Variants in PDCD2 observed in about 807,000 individuals in gnomAD.
The protein encoded by PDCD2 is programmed cell death 2.
In PDCD2, 38 loss-of-function variants were observed where a neutral mutation model predicts 38.1. That is an observed-to-expected ratio of 1.00 (90% CI 0.77 to 1.31). The LOEUF is 1.31. PDCD2 is among the 50% of genes most tolerant of loss of function. The pLI is 0.00. For missense variants in PDCD2, 473 were observed against 435.7 expected, an observed-to-expected ratio of 1.09 and a Z score of -0.76; for synonymous variants, 205 against 168.9, an observed-to-expected ratio of 1.21 and a Z score of -1.66.
At position 170,575,927 on chromosome 6, in the gene PDCD2, C is replaced by T. The variant is rs1224885212; in HGVS notation, c.*1632G>A. 11 of 152,178 alleles carry T rather than the reference C, an allele frequency of 7.2e-5. No homozygotes were observed. Among genetic ancestry groups the T allele is most frequent in the Admixed American group, 3.9e-4 (6 of 15,280 alleles). 9.4% of individuals were successfully genotyped at this position (152,178 alleles called of 1,614,324 possible). On this transcript the variant is annotated 3_prime_UTR_variant, in exon 6 of 6. Transcript: ENST00000541970. The stretch of plus-strand genomic sequence containing the variant: ...CTTTAAAAGTCATTAGCAGTCATAA[C>T]GTACTTACAGATTCTGCCTATAAGG...
At chr6:170,584,260 G>C in intron 1 of PDCD2, 39 bp downstream of exon 1, 2 of 1,367,276 alleles carry the variant, frequency 1.5e-6, no homozygotes, top group Non-Finnish European at 1.9e-6. Flanking sequence ...CGCACGCGTC[G>C]GAGGCATGGC....
At chr6:170,578,210 A>G (rs1463867945) in intron 5 of PDCD2, among the ~76,000 whole-genome samples, 3 of 152,152 alleles carry the variant, frequency 2.0e-5, no homozygotes, top group African/African-American at 4.8e-5. Flanking sequence ...TGTCACCTCA[A>G]TTTGGACATT....
intron 1 of PDCD2, 50 bp downstream of exon 1, chr6:170,584,249 G>C: frequency 7.4e-7 from 1 of 1,345,098 alleles, no homozygotes; most frequent in Non-Finnish European, 9.5e-7. Flanking sequence ...AATTAACGCC[G>C]CGCACGCGTC....
At position 170,577,518 on chromosome 6, in the gene PDCD2, T is replaced by A; in HGVS notation, c.*41A>T. The A allele has an allele frequency of 6.5e-7, 1 of 1,530,450 alleles. No homozygotes were observed. The allele number at this position is 1,530,450 out of a possible 1,614,324, so 94.8% of individuals were successfully genotyped here. On this transcript the variant is annotated 3_prime_UTR_variant, in exon 6 of 6. Transcript: ENST00000541970. ...AAATCCCAGAAATGGAATTGCAAGG[T>A]ATAAAAGATTATTAACATTTTTCAA...
Position 170,583,614 on chromosome 6 carries a change from G to C in PDCD2, c.417C>G (p.Gly139=), listed in dbSNP as rs758688151. 1 of 1,614,006 alleles carries C rather than the reference G, an allele frequency of 6.2e-7. No individual in the cohort carries two copies. Among genetic ancestry groups the C allele is most frequent in the South Asian group, 1.1e-5 (1 of 91,070 alleles). Residue 139 remains glycine (G), a synonymous_variant, in exon 2 of 6, where the codon GGC becomes GGG. Coordinates refer to ENST00000541970, the MANE Select transcript of PDCD2 (RefSeq NM_002598.4). ...KSGAHLCRVC[G]CLGPKTCSRC... Reference sequence around the variant, plus strand: ...TGGAGCACGTTTTGGGGCCTAAACAGCCACAAACCCTGCAGAGATGAGCAC... The same window carrying C: ...TGGAGCACGTTTTGGGGCCTAAACACCCACAAACCCTGCAGAGATGAGCAC...
intron 3 of PDCD2, among the ~76,000 whole-genome samples, chr6:170,580,626 A>T (rs1779566928): frequency 6.6e-6 from 1 of 152,058 alleles, no homozygotes; most frequent in South Asian, 2.1e-4. Flanking sequence ...GAGGCAGGAG[A>T]GTCACTTGAA....
Position 170,583,598 on chromosome 6 carries a change from T to G in PDCD2, c.433A>C (p.Thr145Pro), listed in dbSNP as rs1779691488. 1.9e-6 allele frequency: 3 copies of G among 1,613,848 alleles called. No individual in the cohort carries two copies. In the Admixed American group the frequency reaches 5.0e-5, roughly 27 times the overall value. ...TATGCTTTGTGGCATCTGGAGCACG[T>G]TTTGGGGCCTAAACAGCCACAAACC... ...CRVCGCLGPK[T>P]CSRCHKAYYC... Residue 145 changes from threonine (T) to proline (P), a missense_variant, in exon 2 of 6, where the codon ACG becomes CCG. Thr to Pro is a conservative substitution (Grantham distance 38). Transcript: ENST00000541970.
intron 5 of PDCD2, among the ~76,000 whole-genome samples, chr6:170,578,228 T>C (rs1779497553): frequency 1.3e-5 from 2 of 152,168 alleles, no homozygotes; most frequent in African/African-American, 4.8e-5. Flanking sequence ...ATTGAGAGCT[T>C]TGGCACTAAG....
intron 3 of PDCD2, chr6:170,582,295 G>A (rs749779356): frequency 1.6e-5 from 25 of 1,520,842 alleles, no homozygotes; most frequent in Middle Eastern, 1.7e-4. Context: ...CAGGCACAGA[G>A]TAAGACTCAA....
In PDCD2 at chr6:170,578,894, T is replaced by A; in HGVS notation, c.839A>T (p.Asp280Val). ...TATTCTCTTGGCACCACAGGGGCAA[T>A]CTGGAATATCCTTTTCTTGAGGAAT... ...ENIPQEKDIP[D>V]CPCGAKRILE... The change falls in exon 5 of 6, where the codon GAT becomes GTT. Residue 280 changes from aspartate (D) to valine (V), a missense_variant. Asp to Val is a radical substitution (Grantham distance 152). Transcript: ENST00000541970. The A allele has an allele frequency of 6.2e-7, 1 of 1,611,546 alleles. No homozygotes were observed.
At chr6:170,579,168 A>C in intron 4 of PDCD2, 198 bp from the exon 5 acceptor site, 1 of 538,022 alleles carries the variant, frequency 1.9e-6, no homozygotes, top group Non-Finnish European at 3.2e-6. Flanking sequence ...TGATTATTTC[A>C]GTTTATCTGA....
At position 170,584,495 on chromosome 6, in the gene PDCD2, G is replaced by C. The variant is rs545103128; in HGVS notation, c.87C>G (p.Ser29Arg). 248 of 1,353,878 alleles carry C rather than the reference G, an allele frequency of 1.8e-4. No homozygotes were observed. The highest frequency in any genetic ancestry group is 2.1e-4 in the Non-Finnish European group (226 of 1,056,354). The allele number at this position is 1,353,878 out of a possible 1,614,324, so 83.9% of individuals were successfully genotyped here. The change falls in exon 1 of 6, where the codon AGC becomes AGG. Residue 29 changes from serine to arginine, a missense_variant. Ser to Arg is a moderately radical substitution (Grantham distance 110). Transcript: ENST00000541970. ...GCCATGCCGGCCGCCCGCCCACCTT[G>C]CTGGGGAACTGCTCGCTGCGCAGTC... ...AWRLRSEQFP[S>R]KVGGRPAWLG...
chr6:170,582,962 T>C (rs1779660698), intron 3 of PDCD2, 95 bp downstream of exon 3: 1 of 1,517,570 alleles, frequency 6.6e-7, no homozygotes, highest in Non-Finnish European at 8.8e-7. Context: ...CCAAAGTGAG[T>C]CTTCCTCTCA....
chr6:170,580,353 A>G (rs1433149032), intron 3 of PDCD2, among the ~76,000 whole-genome samples: 2 of 152,166 alleles, frequency 1.3e-5, no homozygotes, highest in African/African-American at 4.8e-5. Flanking sequence ...ACATCACAGG[A>G]CACCCAACAA....
At chr6:170,582,071 T>A in intron 3 of PDCD2, 1 of 1,491,292 alleles carries the variant, frequency 6.7e-7, no homozygotes, top group Non-Finnish European at 8.9e-7. Flanking sequence ...TCATTATGTA[T>A]CATGTTTATC....
intron 5 of PDCD2, 74 bp downstream of exon 5, chr6:170,578,783 C>G: frequency 1.1e-6 from 1 of 941,164 alleles, no homozygotes; most frequent in East Asian, 2.4e-5. Flanking sequence ...GCACAAATTA[C>G]CTTGGTGAAG....
chr6:170,576,747 C>G lies in PDCD2; in HGVS notation c.*812G>C, dbSNP rs2115008167. On this transcript the variant is annotated 3_prime_UTR_variant, in exon 6 of 6. Transcript: ENST00000541970. ...TAACCCTTGTATGTGCGATAGGGAA[C>G]CTGTATACAATGCTGACACGGAAAG... 1 of 152,324 alleles carries G rather than the reference C, an allele frequency of 6.6e-6. No individual in the cohort carries two copies. The highest frequency in any genetic ancestry group is 1.9e-4 in the East Asian group (1 of 5,182). 9.4% of individuals were successfully genotyped at this position (152,324 alleles called of 1,614,324 possible). A position where few individuals can be genotyped will look rare whatever the true frequency, so the allele number is the denominator to read the frequency against.
At chr6:170,582,993 T>C (rs778594378) in intron 3 of PDCD2, 64 bp downstream of exon 3, 2 of 1,566,648 alleles carry the variant, frequency 1.3e-6, no homozygotes, top group South Asian at 1.2e-5. Context: ...TCTAGGCACA[T>C]GGAGCCCTTT....
chr6:170,584,350 AGCGGTGGAAG>A lies in PDCD2; in HGVS notation c.222_231del (p.Phe75AlafsTer64). On this transcript the variant is annotated frameshift_variant, in exon 1 of 6. Transcript: ENST00000541970. LOFTEE classifies it high-confidence loss of function. ...TCGCGGCAGCAGAAGAGGAAGATGC[AGCGGTGGAAG>A]GCGTCCGGGCGGCCAGGCAGCGGCG... 1 of 1,499,126 alleles carries A rather than the reference AGCGGTGGAAG, an allele frequency of 6.7e-7. No individual in the cohort carries two copies. The allele number at this position is 1,499,126 out of a possible 1,614,324, so 92.9% of individuals were successfully genotyped here.
Sources: gnomAD v4.1 joint callset for allele counts (sites outside exome capture counted in the v4.1 genomes callset) on GRCh38, gnomAD v4.1.1 for gene constraint, MANE v1.5 for transcripts, NCBI Gene and HGNC (gene_info 2026-07-23, HGNC 2026-07-21) for gene names.